NKAIN2: variants seen among roughly 807,000 people sequenced by gnomAD.
NKAIN2 encodes sodium/potassium transporting ATPase interacting 2, also known as sodium/potassium-transporting ATPase subunit beta-1-interacting protein 2.
A neutral mutation model predicts 32.6 loss-of-function variants in NKAIN2; 14 were observed. The observed-to-expected ratio is 0.43, with a 90% CI of 0.28 to 0.67. The LOEUF is 0.67. Among genes scored for constraint, NKAIN2 ranks in the 30% least tolerant of loss-of-function variants. NKAIN2 has a pLI of 0.17. For missense variants in NKAIN2, 198 were observed against 258.3 expected (o/e 0.77, Z 1.60); for synonymous variants, 80 against 87.2 (o/e 0.92, Z 0.46).
intron 4 of NKAIN2, among the ~76,000 whole-genome samples, chr6:124,689,739 C>T (rs997956918): frequency 6.6e-6 from 1 of 152,080 alleles, no homozygotes; most frequent in Non-Finnish European, 1.5e-5. Context: ...ATTGCTTCGT[C>T]TTTGTTTCTG....
intron 4 of NKAIN2, among the ~76,000 whole-genome samples, chr6:124,773,185 C>T (rs900249759): frequency 1.3e-5 from 2 of 151,982 alleles, no homozygotes; most frequent in African/African-American, 2.4e-5. Context: ...TAGTGAGAAC[C>T]GTTTTAAGAT....
Position 124,722,931 on chromosome 6 carries a change from G to A in NKAIN2, c.474+64545G>A, listed in dbSNP as rs56258133. Among the ~76,000 whole-genome samples the A allele has an allele frequency of 7.9e-3, 1,202 of 152,268 alleles. 17 individuals are homozygous for A. The highest frequency in any genetic ancestry group is 0.027 in the African/African-American group (1,141 of 41,558). Reference sequence around the variant, plus strand: ...CTATTTTAGAGTCTTTCAAGGTGTGGTTTGCAGATATGCCTCAGAGTCACT... The same window carrying A: ...CTATTTTAGAGTCTTTCAAGGTGTGATTTGCAGATATGCCTCAGAGTCACT... On this transcript the variant is annotated intron_variant, in intron 4 of 6. Coordinates refer to ENST00000368417, the MANE Select transcript of NKAIN2 (RefSeq NM_001040214.3).
chr6:123,978,052 C>A (rs1271686028), intron 1 of NKAIN2, among the ~76,000 whole-genome samples: 2 of 152,118 alleles, frequency 1.3e-5, no homozygotes, highest in Non-Finnish European at 2.9e-5. Flanking sequence ...TAATACTTAT[C>A]ATGTTTATGC....
intron 1 of NKAIN2, among the ~76,000 whole-genome samples, chr6:123,973,733 G>A (rs192641521): frequency 5.7e-4 from 86 of 152,174 alleles, no homozygotes; most frequent in African/African-American, 1.9e-3. Context: ...AACCTAAATC[G>A]TGTAGTTGTT....
intron 2 of NKAIN2, among the ~76,000 whole-genome samples, chr6:124,333,688 T>C (rs1010295576): frequency 6.6e-6 from 1 of 151,740 alleles, no homozygotes; most frequent in Non-Finnish European, 1.5e-5. Flanking sequence ...AATAAATACA[T>C]AAATAAATAA....
chr6:124,168,417 C>T (rs989956600), intron 1 of NKAIN2, among the ~76,000 whole-genome samples: 2 of 151,978 alleles, frequency 1.3e-5, no homozygotes, highest in African/African-American at 4.8e-5. Flanking sequence ...TGTACATACA[C>T]TGAATTTGAA....
At chr6:124,506,530 C>G (rs1562226956) in intron 3 of NKAIN2, among the ~76,000 whole-genome samples, 1 of 152,198 alleles carries the variant, frequency 6.6e-6, no homozygotes, top group Non-Finnish European at 1.5e-5. Context: ...TTCATACCTT[C>G]CTCCTCTCCC....
chr6:124,260,063 A>T lies in NKAIN2; in HGVS notation c.55-22942A>T, dbSNP rs1241905743. Among the ~76,000 whole-genome samples the T allele has an allele frequency of 2.0e-5, 3 of 152,306 alleles. No homozygotes were observed. In the East Asian group the frequency reaches 5.8e-4, roughly 29 times the overall value. On this transcript the variant is annotated intron_variant, in intron 1 of 6. Transcript: ENST00000368417. ...GTTAGAATTAGAACTGCATCGATAA[A>T]TCACTCTAATAACAAGCAAGTGCCT... is the stretch of plus-strand genomic sequence containing the variant.
intron 3 of NKAIN2, among the ~76,000 whole-genome samples, chr6:124,557,697 T>C (rs1780527660): frequency 6.6e-6 from 1 of 152,214 alleles, no homozygotes; most frequent in Non-Finnish European, 1.5e-5. Context: ...CCTGCCTTAT[T>C]TGAGGTCAGA....
chr6:124,658,579 C>A, intron 4 of NKAIN2, 193 bp downstream of exon 4: 1 of 1,339,074 alleles, frequency 7.5e-7, no homozygotes, highest in Non-Finnish European at 1.0e-6. Context: ...TGATTTTCTT[C>A]GACAATTAGT....
chr6:123,833,691 C>CTGTG (rs59906355), intron 1 of NKAIN2, among the ~76,000 whole-genome samples: 36,332 of 129,282 alleles, frequency 0.28, 5,321 homozygotes, highest in East Asian at 0.48. Context: ...ATTTTTTTTC[C>CTGTG]TGTGTGTGTG....
chr6:124,682,424 A>G (rs778876507), intron 4 of NKAIN2, among the ~76,000 whole-genome samples: 27 of 152,296 alleles, frequency 1.8e-4, no homozygotes, highest in Middle Eastern at 3.4e-3. Context: ...GAGGGTCACA[A>G]TGTTTGAGTA....
chr6:124,281,549 A>G (rs1367258753), intron 1 of NKAIN2, among the ~76,000 whole-genome samples: 17 of 152,216 alleles, frequency 1.1e-4, no homozygotes, highest in Admixed American at 1.1e-3. Flanking sequence ...GATGAGTATC[A>G]TGGCTTTAGC....
At chr6:123,839,529 A>G (rs1774777615) in intron 1 of NKAIN2, among the ~76,000 whole-genome samples, 1 of 152,154 alleles carries the variant, frequency 6.6e-6, no homozygotes, top group South Asian at 2.1e-4. Flanking sequence ...TTCATTAAAA[A>G]AAATGTTCTT....
chr6:124,760,368 C>G (rs1156441893), intron 4 of NKAIN2, among the ~76,000 whole-genome samples: 1 of 105,934 alleles, frequency 9.4e-6, no homozygotes, highest in Non-Finnish European at 1.7e-5. Context: ...CCCACCTACA[C>G]AAGCTTACCT....
At chr6:123,911,820 C>A (rs369414225) in intron 1 of NKAIN2, among the ~76,000 whole-genome samples, 4 of 75,274 alleles carry the variant, frequency 5.3e-5, no homozygotes, top group African/African-American at 1.9e-4. Flanking sequence ...TATACACACA[C>A]ACACACACAC....
intron 1 of NKAIN2, among the ~76,000 whole-genome samples, chr6:124,113,570 C>G (rs992389791): frequency 6.6e-6 from 1 of 152,108 alleles, no homozygotes; most frequent in Non-Finnish European, 1.5e-5. Flanking sequence ...CTGGGCCCAT[C>G]AGAGCTTCAA....
intron 2 of NKAIN2, among the ~76,000 whole-genome samples, chr6:124,311,155 C>A (rs1171951074): frequency 6.6e-6 from 1 of 152,040 alleles, no homozygotes; most frequent in African/African-American, 2.4e-5. Flanking sequence ...TCAGTGAAAG[C>A]AGAAAGAGGG....
chr6:124,408,883 T>G (rs555119219), intron 3 of NKAIN2, among the ~76,000 whole-genome samples: 119 of 152,302 alleles, frequency 7.8e-4, no homozygotes, highest in Non-Finnish European at 1.2e-3. Flanking sequence ...TGAGCAGTGG[T>G]TTGTAGTTCT....
Sources: allele counts gnomAD v4.1 joint callset (sites outside exome capture counted in the v4.1 genomes callset), GRCh38; gene constraint gnomAD v4.1.1; transcripts MANE v1.5; gene names NCBI Gene and HGNC (gene_info 2026-07-23, HGNC 2026-07-21).